The following DEPTOR variants were observed in gnomAD, a reference collection of about 807,000 sequenced individuals.
The protein encoded by DEPTOR is DEP domain containing MTOR interacting protein.
Under a neutral mutation model 41.6 loss-of-function variants are expected in DEPTOR, and 41 were observed. The observed-to-expected ratio is 0.98, with a 90% confidence interval of 0.77 to 1.28. The LOEUF is 1.28. Ranked by LOEUF, DEPTOR falls within the 50% of genes most tolerant of loss-of-function variation. The pLI, the probability that DEPTOR is intolerant of heterozygous loss-of-function variation, is 0.00. For synonymous variants in DEPTOR, 195 were observed against 192.3 expected (o/e 1.01, Z -0.12); for missense variants, 514 against 527.9 (o/e 0.97, Z 0.26).
rs1023869440 is a variant in DEPTOR, at chr8:119,916,603, C to T, written c.123-11797C>T. Among the ~76,000 whole-genome samples, 19 of 152,180 alleles carry T rather than the reference C, an allele frequency of 1.2e-4. 1 individual carries two copies. The highest frequency in any genetic ancestry group is 4.3e-4 in the African/African-American group (18 of 41,442). On this transcript the variant is annotated intron_variant, in intron 1 of 8. Coordinates refer to ENST00000286234, the MANE Select transcript of DEPTOR (RefSeq NM_022783.4). ...ACAGGGGTCAGCAGCTCAGGAGCAG[C>T]CCTTTAGAAAGGTTCTATCCAACTG...
At chr8:119,914,628 CG>C (rs1827789790) in intron 1 of DEPTOR, among the ~76,000 whole-genome samples, 1 of 151,886 alleles carries the variant, frequency 6.6e-6, no homozygotes. Context: ...TTAGTAGAGA[CG>C]GGGTTTCACC....
chr8:119,890,196 C>A (rs1381345756), intron 1 of DEPTOR, among the ~76,000 whole-genome samples: 1 of 152,174 alleles, frequency 6.6e-6, no homozygotes, highest in Non-Finnish European at 1.5e-5. Context: ...CTGAAGTGAT[C>A]CACTCACCTT....
chr8:119,971,191 C>G (rs1324064911), intron 4 of DEPTOR, among the ~76,000 whole-genome samples: 2 of 150,686 alleles, frequency 1.3e-5, no homozygotes, highest in Non-Finnish European at 2.9e-5. Context: ...GAAGATTGCG[C>G]CACCGCTCCA....
chr8:120,025,759 G>A (rs1433831502), intron 8 of DEPTOR, among the ~76,000 whole-genome samples: 3 of 151,824 alleles, frequency 2.0e-5, no homozygotes, highest in African/African-American at 7.3e-5. Flanking sequence ...GGCTCTAGCT[G>A]GTCCCCTTTC....
intron 8 of DEPTOR, among the ~76,000 whole-genome samples, chr8:120,034,570 C>T (rs529372920): frequency 6.6e-6 from 1 of 151,190 alleles, no homozygotes; most frequent in East Asian, 2.0e-4. Context: ...TCCTCAGCCT[C>T]CCAAGTAGCT....
chr8:119,900,339 A>G (rs79795599), intron 1 of DEPTOR, among the ~76,000 whole-genome samples: 36,105 of 82,128 alleles, frequency 0.44, 8,739 homozygotes, highest in East Asian at 0.82. Flanking sequence ...AAAAAAAAAG[A>G]AAAAAAAAAA....
At chr8:120,032,211 CTTTTTTTTT>C (rs60003356) in intron 8 of DEPTOR, among the ~76,000 whole-genome samples, 3 of 120,910 alleles carry the variant, frequency 2.5e-5, no homozygotes, top group East Asian at 2.3e-4. Flanking sequence ...CACTAACTTT[CTTTTTTTTT>C]TTTTTTTTTT....
chr8:119,945,543 G>T (rs1030777313), intron 3 of DEPTOR, among the ~76,000 whole-genome samples: 55 of 152,326 alleles, frequency 3.6e-4, no homozygotes, highest in African/African-American at 1.3e-3. Flanking sequence ...GCTAAAGAGT[G>T]ATTCTGGCCA....
intron 1 of DEPTOR, among the ~76,000 whole-genome samples, chr8:119,899,270 G>T (rs1305402070): frequency 1.3e-5 from 2 of 152,144 alleles, no homozygotes; most frequent in African/African-American, 4.8e-5. Context: ...TAGCTGGATT[G>T]CACTTTACTA....
Position 120,010,642 on chromosome 8 carries a change from A to G in DEPTOR, c.1101+1509A>G, listed in dbSNP as rs961156764. 9.2e-5 allele frequency among the ~76,000 whole-genome samples: 14 copies of G among 151,990 alleles called. No individual in the cohort carries two copies. In the South Asian group the frequency reaches 2.7e-3, roughly 29 times the overall value. ...CAAAAAAAAAAAAAAGAAGAAAAAA[A>G]CACACATATACAGTCAAGAAAATTT... On this transcript the variant is annotated intron_variant, in intron 8 of 8. Coordinates refer to ENST00000286234, the MANE Select transcript of DEPTOR (RefSeq NM_022783.4).
Position 119,965,282 on chromosome 8 carries a change from T to C in DEPTOR, c.476T>C (p.Val159Ala), listed in dbSNP as rs776473672. 7.4e-6 allele frequency: 12 copies of C among 1,613,580 alleles called. No homozygotes were observed. Among genetic ancestry groups the C allele is most frequent in the Non-Finnish European group, 1.0e-5 (12 of 1,179,946 alleles). The change falls in exon 4 of 9, where the codon GTC becomes GCC. Residue 159 changes from valine (V) to alanine (A), a missense_variant. Val to Ala is a moderately conservative substitution (Grantham distance 64). Coordinates refer to ENST00000286234, the MANE Select transcript of DEPTOR (RefSeq NM_022783.4). Reference sequence around the variant, plus strand: ...CTGCAGCCCAGGGAGGAGGAAGGGGTCAAGTATGAGCGCACCTTCATGGCA... The same window carrying C: ...CTGCAGCCCAGGGAGGAGGAAGGGGCCAAGTATGAGCGCACCTTCATGGCA... ...TLLQPREEEGVKYERTFMASE... is the reference protein window; with the variant it reads ...TLLQPREEEGAKYERTFMASE...
intron 3 of DEPTOR, among the ~76,000 whole-genome samples, chr8:119,932,633 G>T (rs1390780530): frequency 6.6e-6 from 1 of 152,172 alleles, no homozygotes; most frequent in African/African-American, 2.4e-5. Context: ...CACCAGAAAT[G>T]CCTGTAGCAA....
chr8:119,963,404 G>C lies in DEPTOR; in HGVS notation c.426-1828G>C, dbSNP rs112718264. ...CTCCCTCTGTCACTCAGGCTGGAGT[G>C]CAGTGGTGTGAACTCGGCTCACTGC... On this transcript the variant is annotated intron_variant, in intron 3 of 8. Transcript: ENST00000286234. 2.9e-3 allele frequency among the ~76,000 whole-genome samples: 441 copies of C among 152,042 alleles called. 5 individuals carry two copies. Among genetic ancestry groups the C allele is most frequent in the African/African-American group, 9.6e-3 (400 of 41,466 alleles).
intron 1 of DEPTOR, among the ~76,000 whole-genome samples, chr8:119,922,806 C>T (rs943215261): frequency 2.6e-5 from 4 of 152,160 alleles, no homozygotes; most frequent in Non-Finnish European, 5.9e-5. Flanking sequence ...TTCCTAATCC[C>T]GTTTTTCTCA....
intron 3 of DEPTOR, among the ~76,000 whole-genome samples, chr8:119,931,958 GATTATTATT>G (rs58758138): frequency 0.11 from 16,149 of 142,596 alleles, 978 homozygotes; most frequent in South Asian, 0.22. Flanking sequence ...AATTAAAAAA[GATTATTATT>G]ATTATTATTA....
chr8:119,954,138 T>C (rs34750794), intron 3 of DEPTOR, among the ~76,000 whole-genome samples: 3 of 151,146 alleles, frequency 2.0e-5, no homozygotes, highest in Non-Finnish European at 4.4e-5. Flanking sequence ...GGTGAATGAA[T>C]AATTAACTTT....
At chr8:119,874,137 G>A in intron 1 of DEPTOR, 169 bp downstream of exon 1, 4 of 1,100,460 alleles carry the variant, frequency 3.6e-6, no homozygotes, top group African/African-American at 1.7e-5. Context: ...AGCTGCTGCA[G>A]CCTCGGTCCC....
chr8:120,029,156 A>G (rs1320953869), intron 8 of DEPTOR, among the ~76,000 whole-genome samples: 1 of 152,006 alleles, frequency 6.6e-6, no homozygotes, highest in African/African-American at 2.4e-5. Flanking sequence ...CATGCAGGAC[A>G]CCTGGCCCGT....
At chr8:119,978,408 C>G (rs1022512399) in intron 4 of DEPTOR, among the ~76,000 whole-genome samples, 6 of 152,144 alleles carry the variant, frequency 3.9e-5, no homozygotes, top group Non-Finnish European at 8.8e-5. Flanking sequence ...GTTCAAACTT[C>G]AGATTCTGAT....
Sources: gnomAD v4.1 joint callset for allele counts (sites outside exome capture counted in the v4.1 genomes callset) on GRCh38, gnomAD v4.1.1 for gene constraint, MANE v1.5 for transcripts, NCBI Gene and HGNC (gene_info 2026-07-23, HGNC 2026-07-21) for gene names.